Variants in KIAA1328 observed in about 807,000 individuals in gnomAD.
KIAA1328 encodes the protein KIAA1328, also known as protein hinderin.
KIAA1328 carries 52 observed loss-of-function variants against 68.1 expected under a neutral mutation model. The ratio of observed to expected loss-of-function variants is 0.76; its 90% CI spans 0.61 to 0.96. The LOEUF (loss-of-function observed/expected upper bound fraction) is 0.96. Ranked by LOEUF, KIAA1328 falls within the 40% of genes least tolerant of loss-of-function variation. KIAA1328 has a pLI of 0.00. For missense variants in KIAA1328, 641 were observed against 677.6 expected (o/e 0.95, Z 0.60); for synonymous variants, 232 against 239.4 (o/e 0.97, Z 0.28).
intron 9 of KIAA1328, among the ~76,000 whole-genome samples, chr18:37,185,227 T>A (rs1395999121): frequency 6.6e-6 from 1 of 151,954 alleles, no homozygotes; most frequent in African/African-American, 2.4e-5. Context: ...ACCATGTCAT[T>A]CACAGCATGG....
chr18:37,072,080 A>G (rs956097833), intron 7 of KIAA1328, among the ~76,000 whole-genome samples: 2 of 152,156 alleles, frequency 1.3e-5, no homozygotes, highest in African/African-American at 2.4e-5. Flanking sequence ...GGAAAAATCT[A>G]TTATATTTAT....
At chr18:36,857,307 C>A (rs2047416920) in intron 4 of KIAA1328, among the ~76,000 whole-genome samples, 1 of 152,162 alleles carries the variant, frequency 6.6e-6, no homozygotes, top group Admixed American at 6.5e-5. Context: ...GTCCCACCTG[C>A]TGTCTCTTTT....
At chr18:37,215,251 G>A (rs1568543162) in intron 9 of KIAA1328, among the ~76,000 whole-genome samples, 1 of 152,202 alleles carries the variant, frequency 6.6e-6, no homozygotes, top group African/African-American at 2.4e-5. Context: ...AATGCTTCCA[G>A]TTTTTGCCCA....
chr18:36,985,956 G>A (rs974969622), intron 6 of KIAA1328, among the ~76,000 whole-genome samples: 2 of 152,122 alleles, frequency 1.3e-5, no homozygotes, highest in Non-Finnish European at 2.9e-5. Flanking sequence ...AATTAAAAAG[G>A]CTTCCCCTAT....
intron 6 of KIAA1328, among the ~76,000 whole-genome samples, chr18:37,047,309 T>G (rs771076786): frequency 2.0e-5 from 3 of 152,248 alleles, no homozygotes; most frequent in Non-Finnish European, 2.9e-5. Flanking sequence ...CTTTGGGTAC[T>G]GAGATAATCT....
intron 7 of KIAA1328, among the ~76,000 whole-genome samples, chr18:37,144,513 G>A (rs2058850724): frequency 6.6e-6 from 1 of 151,914 alleles, no homozygotes; most frequent in African/African-American, 2.4e-5. Flanking sequence ...TACCAGCACT[G>A]AAATTATTTT....
intron 4 of KIAA1328, among the ~76,000 whole-genome samples, chr18:36,881,483 A>T (rs967475825): frequency 6.6e-6 from 1 of 152,182 alleles, no homozygotes; most frequent in African/African-American, 2.4e-5. Flanking sequence ...CCTTAGTAGG[A>T]ATAAAATATA....
chr18:36,876,276 G>A lies in KIAA1328; in HGVS notation c.333-9281G>A, dbSNP rs530320847. Reference sequence around the variant, plus strand: ...CTCTTTGTACCTCTGATAGAATTTGGCTGTCAATCAGTCTGGTCCTGGGAC... The same window carrying A: ...CTCTTTGTACCTCTGATAGAATTTGACTGTCAATCAGTCTGGTCCTGGGAC... On this transcript the variant is annotated intron_variant, in intron 4 of 9. Coordinates refer to ENST00000280020, the MANE Select transcript of KIAA1328 (RefSeq NM_020776.3). Among the ~76,000 whole-genome samples, 5 of 152,098 alleles carry A rather than the reference G, an allele frequency of 3.3e-5. No individual in the cohort carries two copies. In the South Asian group the frequency reaches 1.0e-3, roughly 32 times the overall value.
chr18:36,949,599 C>CG (rs1405902921), intron 5 of KIAA1328, among the ~76,000 whole-genome samples: 7 of 109,136 alleles, frequency 6.4e-5, no homozygotes, highest in East Asian at 3.8e-4. Context: ...TACCCAGCTC[C>CG]CCCCCCCCCA....
chr18:36,902,119 CAT>C (rs563645726), intron 5 of KIAA1328: 2 of 151,680 alleles, frequency 1.3e-5, no homozygotes, highest in African/African-American at 4.8e-5. Flanking sequence ...ATTTTTGCCA[CAT>C]GTGTTGCCAG....
intron 7 of KIAA1328, among the ~76,000 whole-genome samples, chr18:37,104,314 C>T (rs2057708947): frequency 6.6e-6 from 1 of 152,134 alleles, no homozygotes. Flanking sequence ...TGTATTTATA[C>T]ACAAATACCA....
At chr18:37,105,930 A>AAAAAG (rs2057761365) in intron 7 of KIAA1328, among the ~76,000 whole-genome samples, 1 of 145,276 alleles carries the variant, frequency 6.9e-6, no homozygotes. Flanking sequence ...AAAAAAAAAA[A>AAAAAG]AAAAAAAAAA....
In KIAA1328 at chr18:37,217,798, G is replaced by T. The variant is rs540056680; in HGVS notation, c.1524-4219G>T. Among the ~76,000 whole-genome samples, 285 of 152,274 alleles carry T rather than the reference G, an allele frequency of 1.9e-3. 4 individuals carry two copies. Among genetic ancestry groups the T allele is most frequent in the African/African-American group, 6.7e-3 (278 of 41,556 alleles). ...GGTTCCATTCTCCCTGTCACTTTCA[G>T]GTACACCAATCAAACGTAGATTTGG... is the stretch of plus-strand genomic sequence containing the variant. On this transcript the variant is annotated intron_variant, in intron 9 of 9. Coordinates refer to ENST00000280020, the MANE Select transcript of KIAA1328 (RefSeq NM_020776.3).
chr18:37,102,505 A>AG (rs1158185010), intron 7 of KIAA1328, among the ~76,000 whole-genome samples: 4 of 152,224 alleles, frequency 2.6e-5, no homozygotes, highest in Non-Finnish European at 5.9e-5. Flanking sequence ...CAATAGACAG[A>AG]GAAAAAAACT....
chr18:36,855,644 T>C (rs2047357785), intron 4 of KIAA1328, among the ~76,000 whole-genome samples: 1 of 152,102 alleles, frequency 6.6e-6, no homozygotes, highest in Non-Finnish European at 1.5e-5. Context: ...TACAAAAGTT[T>C]TGAATTTTGA....
At chr18:37,025,339 C>T (rs1198684973) in intron 6 of KIAA1328, among the ~76,000 whole-genome samples, 1 of 152,142 alleles carries the variant, frequency 6.6e-6, no homozygotes, top group Non-Finnish European at 1.5e-5. Flanking sequence ...ACAAGGATAT[C>T]CAGGACTTGA....
At chr18:37,162,404 C>G (rs1418223624) in intron 8 of KIAA1328, among the ~76,000 whole-genome samples, 1 of 151,808 alleles carries the variant, frequency 6.6e-6, no homozygotes, top group Admixed American at 6.6e-5. Flanking sequence ...TTCTTTTATT[C>G]TAATATGGAG....
intron 6 of KIAA1328, among the ~76,000 whole-genome samples, chr18:37,047,287 G>A (rs1022404018): frequency 2.6e-5 from 4 of 152,034 alleles, no homozygotes; most frequent in African/African-American, 7.2e-5. Context: ...TGTAAACTTC[G>A]TGTTTTGATT....
chr18:37,010,441 TAAAAAAAAAAAAAAAAA>T (rs59927777), intron 6 of KIAA1328, among the ~76,000 whole-genome samples: 2 of 90,306 alleles, frequency 2.2e-5, no homozygotes, highest in African/African-American at 5.3e-5. Flanking sequence ...AGACACCATC[TAAAAAAAAAAAAAAAAA>T]AAAAAAAAAA....
Sources: allele counts gnomAD v4.1 joint callset (sites outside exome capture counted in the v4.1 genomes callset), GRCh38; gene constraint gnomAD v4.1.1; transcripts MANE v1.5; gene names NCBI Gene and HGNC (gene_info 2026-07-23, HGNC 2026-07-21).